Variants in SLC44A5 observed in about 807,000 individuals in gnomAD.
SLC44A5 encodes the protein choline transporter-like protein 5.
In SLC44A5, 57 loss-of-function variants were observed where a neutral mutation model predicts 101.8. The ratio of observed to expected loss-of-function variants is 0.56; its 90% CI spans 0.45 to 0.70. The LOEUF (loss-of-function observed/expected upper bound fraction) is 0.70. Ranked by LOEUF, SLC44A5 falls within the 30% of genes least tolerant of loss-of-function variation. The pLI is 0.00. For missense variants in SLC44A5, 737 were observed against 853.1 expected, an observed-to-expected ratio of 0.86 and a Z score of 1.70; for synonymous variants, 281 against 290.9, an observed-to-expected ratio of 0.97 and a Z score of 0.35.
intron 2 of SLC44A5, among the ~76,000 whole-genome samples, chr1:75,407,144 A>G (rs907601582): frequency 1.3e-5 from 2 of 152,140 alleles, no homozygotes; most frequent in African/African-American, 4.8e-5. Context: ...TAGGAATCCA[A>G]CTTACAAAGG....
chr1:75,608,076 A>C (rs1014998536), intron 1 of SLC44A5, among the ~76,000 whole-genome samples: 2 of 152,028 alleles, frequency 1.3e-5, no homozygotes, highest in African/African-American at 2.4e-5. Context: ...TGGATTCCAC[A>C]TATAAGTGAG....
In SLC44A5 at chr1:75,356,190, T is replaced by A. The variant is rs534396608; in HGVS notation, c.53-16560A>T. Among the ~76,000 whole-genome samples the A allele has an allele frequency of 1.1e-4, 13 of 120,410 alleles. No individual in the cohort carries two copies. In the South Asian group the frequency reaches 3.3e-3, roughly 31 times the overall value. 79.0% of individuals were successfully genotyped at this position (120,410 alleles called of 152,430 possible). A position where few individuals can be genotyped will look rare whatever the true frequency, so the allele number is the denominator to read the frequency against. On this transcript the variant is annotated intron_variant, in intron 3 of 23. Transcript: ENST00000370859. ...ATAGTGCTACTGCACTCCAGCCTGG[T>A]GACAAAGCAAGACTGCCTCAAAAAA...
At chr1:75,276,016 T>C (rs1651887740) in intron 5 of SLC44A5, among the ~76,000 whole-genome samples, 1 of 152,168 alleles carries the variant, frequency 6.6e-6, no homozygotes, top group Non-Finnish European at 1.5e-5. Context: ...CCTGTGTGAC[T>C]TGGGAAGATA....
chr1:75,402,494 A>T (rs1032421068), intron 2 of SLC44A5: 18 of 365,890 alleles, frequency 4.9e-5, no homozygotes, highest in African/African-American at 1.2e-4. Context: ...TACCCTGCTC[A>T]TCTCATAGGG....
At chr1:75,444,536 G>A (rs17096898) in intron 2 of SLC44A5, among the ~76,000 whole-genome samples, 35,571 of 142,520 alleles carry the variant, frequency 0.25, 5,328 homozygotes, top group East Asian at 0.81. Context: ...GAAGATCGAA[G>A]GAGACATAGG....
At chr1:75,516,740 C>T (rs544054952) in intron 2 of SLC44A5, among the ~76,000 whole-genome samples, 4 of 152,224 alleles carry the variant, frequency 2.6e-5, no homozygotes, top group African/African-American at 7.2e-5. Flanking sequence ...CACAGTCGCC[C>T]AACAAGTTTT....
intron 4 of SLC44A5, among the ~76,000 whole-genome samples, chr1:75,325,231 GA>G (rs1174178300): frequency 5.9e-5 from 9 of 152,178 alleles, no homozygotes; most frequent in Non-Finnish European, 1.2e-4. Context: ...GTAAAAGACA[GA>G]AGAGGGCACT....
At chr1:75,396,853 G>A (rs759710121) in intron 2 of SLC44A5, among the ~76,000 whole-genome samples, 1 of 152,118 alleles carries the variant, frequency 6.6e-6, no homozygotes, top group African/African-American at 2.4e-5. Flanking sequence ...GGAGGTAAGA[G>A]GTTTGGGGAT....
chr1:75,363,282 T>C (rs1393569087), intron 3 of SLC44A5, among the ~76,000 whole-genome samples: 1 of 152,096 alleles, frequency 6.6e-6, no homozygotes, highest in East Asian at 1.9e-4. Context: ...TTGGATAATT[T>C]AATCTATTTA....
chr1:75,603,753 G>GTTT (rs57844833), intron 1 of SLC44A5, among the ~76,000 whole-genome samples: 14,874 of 53,950 alleles, frequency 0.28, 3,491 homozygotes, highest in East Asian at 0.76. Context: ...ATTTTTTCAT[G>GTTT]TTTTTTTTTT....
intron 2 of SLC44A5, among the ~76,000 whole-genome samples, chr1:75,515,082 C>T (rs988853628): frequency 2.0e-5 from 3 of 152,128 alleles, no homozygotes; most frequent in Admixed American, 1.3e-4. Flanking sequence ...CATTCTCTTA[C>T]TCTTCACTTT....
chr1:75,362,779 C>T (rs1659586330), intron 3 of SLC44A5, among the ~76,000 whole-genome samples: 1 of 151,996 alleles, frequency 6.6e-6, no homozygotes, highest in Non-Finnish European at 1.5e-5. Context: ...TCCTGTTGGA[C>T]TGCATGTTCT....
intron 1 of SLC44A5, among the ~76,000 whole-genome samples, chr1:75,606,501 C>T (rs1300231171): frequency 6.6e-6 from 1 of 152,040 alleles, no homozygotes; most frequent in East Asian, 1.9e-4. Flanking sequence ...ATTCTTCCAT[C>T]TTAAAAAAGC....
At chr1:75,284,228 T>C (rs751105867) in intron 5 of SLC44A5, among the ~76,000 whole-genome samples, 2 of 152,186 alleles carry the variant, frequency 1.3e-5, no homozygotes, top group Admixed American at 6.5e-5. Context: ...CTTGGTTTGG[T>C]ATATTCCTAA....
At chr1:75,245,732 TAAG>T (rs1221691148) in intron 7 of SLC44A5, among the ~76,000 whole-genome samples, 1 of 152,108 alleles carries the variant, frequency 6.6e-6, no homozygotes, top group Non-Finnish European at 1.5e-5. Context: ...CGTAGTTTGT[TAAG>T]GAGAATCACA....
chr1:75,680,134 G>A, the SLC44A5 span, among the ~76,000 whole-genome samples: 1 of 152,132 alleles, frequency 6.6e-6, no homozygotes, highest in Non-Finnish European at 1.5e-5. Flanking sequence ...GACCTACAAA[G>A]AGACTTAGAC....
the SLC44A5 span, among the ~76,000 whole-genome samples, chr1:75,714,961 AC>A: frequency 5.9e-5 from 9 of 152,248 alleles, no homozygotes; most frequent in Non-Finnish European, 1.0e-4. Flanking sequence ...GGTGTGAGCC[AC>A]TGCACCCAGC....
chr1:75,503,438 T>C (rs1035027397), intron 2 of SLC44A5, among the ~76,000 whole-genome samples: 1 of 152,098 alleles, frequency 6.6e-6, no homozygotes, highest in African/African-American at 2.4e-5. Context: ...CCCTTTGCTC[T>C]CTCTCTCCTG....
At chr1:75,263,026 C>A (rs1650667081) in intron 6 of SLC44A5, among the ~76,000 whole-genome samples, 1 of 152,072 alleles carries the variant, frequency 6.6e-6, no homozygotes, top group Admixed American at 6.6e-5. Flanking sequence ...CCATAAAAAA[C>A]CCTAGACAAA....
Sources: gnomAD v4.1 joint callset for allele counts (sites outside exome capture counted in the v4.1 genomes callset) on GRCh38, gnomAD v4.1.1 for gene constraint, MANE v1.5 for transcripts, NCBI Gene and HGNC (gene_info 2026-07-23, HGNC 2026-07-21) for gene names.